The following HERC2 variants were observed in gnomAD, a reference collection of about 807,000 sequenced individuals.
The protein encoded by HERC2 is HECT and RLD domain containing E3 ubiquitin protein ligase 2, also known as E3 ubiquitin-protein ligase HERC2.
In HERC2, 102 loss-of-function variants were observed where a neutral mutation model predicts 537.7. The ratio of observed to expected loss-of-function variants is 0.19; its 90% CI spans 0.16 to 0.22. The LOEUF is 0.22. Ranked by LOEUF, HERC2 falls within the 10% of genes least tolerant of loss-of-function variation. The probability of loss-of-function intolerance (pLI) is 1.00; values close to 1 mark genes in which losing one functional copy is unlikely to be tolerated. For synonymous variants in HERC2, 2,224 were observed against 2,466.2 expected (o/e 0.90, Z 2.91); for missense variants, 4,236 against 6,198.2 (o/e 0.68, Z 10.63).
chr15:28,160,280 GTCTGCAGAGGTT>G (rs1893450129), intron 69 of HERC2, among the ~76,000 whole-genome samples: 2 of 152,208 alleles, frequency 1.3e-5, no homozygotes, highest in Non-Finnish European at 2.9e-5. Context: ...GGACATTTAA[GTCTGCAGAGGTT>G]TCTGCTGCCT....
rs1892647416 is a variant in HERC2 at position 28,153,318 on chromosome 15, A to G, written c.10747-488T>C. ...CGGTGAGCCGAGATCACACCGTTGC[A>G]CTCCAGCCTGGGTGACCCGAGCGAG... On this transcript the variant is annotated intron_variant, in intron 69 of 92. Coordinates refer to ENST00000261609, the MANE Select transcript of HERC2 (RefSeq NM_004667.6). Among the ~76,000 whole-genome samples, 6 of 152,096 alleles carry G rather than the reference A, an allele frequency of 3.9e-5. No individual in the cohort carries two copies. The South Asian group carries it at 1.2e-3, about 32-fold the overall frequency.
At chr15:28,182,345 AG>A (rs1013693477) in intron 57 of HERC2, 55 bp downstream of exon 57, 26 of 1,043,592 alleles carry the variant, frequency 2.5e-5, no homozygotes, top group Middle Eastern at 5.4e-4. Context: ...AAACTTCACG[AG>A]GTGTGGCTGC....
intron 68 of HERC2, among the ~76,000 whole-genome samples, chr15:28,165,498 A>G (rs543793175): frequency 6.6e-6 from 1 of 152,230 alleles, no homozygotes; most frequent in South Asian, 2.1e-4. Context: ...TAACAACACA[A>G]ATACTGATGT....
rs759243796 is a variant in HERC2, at chr15:28,113,627, G to A, written c.13965C>T (p.Arg4655=). ...QVAAVREGMA[R]VVPVPLLSLF... ...GAGAGAGGAGGGGAACAGGCACAAC[G>A]CGGGCCATTCCTTCCCGAACAGCAG... The change falls in exon 91 of 93, where the codon CGC becomes CGT. Residue 4655 remains arginine, a synonymous_variant. Coordinates refer to ENST00000261609, the MANE Select transcript of HERC2 (RefSeq NM_004667.6). The surrounding 1 kb of genome is among the most constrained non-coding windows in gnomAD (Gnocchi z 7.0). 2.2e-5 allele frequency: 36 copies of A among 1,614,082 alleles called. 1 individual carries two copies. The highest frequency in any genetic ancestry group is 8.9e-5 in the East Asian group (4 of 44,896).
At chr15:28,148,329 T>C (rs534236153) in intron 70 of HERC2, among the ~76,000 whole-genome samples, 33 of 148,618 alleles carry the variant, frequency 2.2e-4, no homozygotes, top group East Asian at 2.0e-3. Flanking sequence ...TTAAGACAAA[T>C]AGGAAAAAAG....
chr15:28,168,990 A>G (rs1390179746), intron 66 of HERC2, among the ~76,000 whole-genome samples: 1 of 152,246 alleles, frequency 6.6e-6, no homozygotes. Context: ...CCTCTACTGA[A>G]TGACTGTTTT....
chr15:28,182,316 G>C (rs1388962601), intron 57 of HERC2, 85 bp downstream of exon 57: 1 of 816,804 alleles, frequency 1.2e-6, no homozygotes, highest in Admixed American at 2.0e-5. Context: ...ACAACATATA[G>C]AGAGTAAAGT....
Position 28,215,636 on chromosome 15 carries a change from G to C in HERC2, c.6195C>G (p.Thr2065=). Residue 2065 remains threonine (T), a synonymous_variant, in exon 39 of 93, where the codon ACC becomes ACG. Transcript: ENST00000261609. ...AGCACATTACCTGCCTCTGCAGCGA[G>C]GTGGCAGTGAAGGGTGCGTGCCCTT... ...VVEGHAPFTA[T]SLQRQILAVH... is the part of the protein sequence containing the mutation. The C allele has an allele frequency of 1.2e-6, 2 of 1,608,832 alleles. No homozygotes were observed. Among genetic ancestry groups the C allele is most frequent in the Non-Finnish European group, 1.7e-6 (2 of 1,178,054 alleles).
rs1900728884 is a variant in HERC2, at chr15:28,223,325, T to C, written c.5465-1110A>G. ...AACTCCCTTGATTTTAGTTTTCTCC[T>C]CCAGGTGGGCGGGAAAAAGACCCAA... is the stretch of plus-strand genomic sequence containing the variant. On this transcript the variant is annotated intron_variant, in intron 35 of 92. Transcript: ENST00000261609. 2.0e-5 allele frequency among the ~76,000 whole-genome samples: 3 copies of C among 152,044 alleles called. No individual in the cohort carries two copies. In the South Asian group the frequency reaches 6.2e-4, roughly 32 times the overall value.
chr15:28,142,614 C>G (rs527584008), intron 75 of HERC2, among the ~76,000 whole-genome samples: 2 of 152,126 alleles, frequency 1.3e-5, no homozygotes, highest in Non-Finnish European at 2.9e-5. Context: ...GACAAGAACA[C>G]CTGTGCATCT....
At chr15:28,197,524 C>T (rs1408734576) in intron 50 of HERC2, among the ~76,000 whole-genome samples, 1 of 152,104 alleles carries the variant, frequency 6.6e-6, no homozygotes, top group African/African-American at 2.4e-5. Flanking sequence ...GAGGCTGAGG[C>T]AGGCGGATCA....
intron 79 of HERC2, 91 bp from the exon 80 acceptor site, chr15:28,132,921 A>G (rs1890253384): frequency 1.9e-6 from 2 of 1,029,886 alleles, no homozygotes; most frequent in Non-Finnish European, 1.4e-6. Context: ...ACACCTTCCT[A>G]ATCAGTTAAT....
chr15:28,230,530 A>G (rs377237258), intron 30 of HERC2, 30 bp from the exon 31 acceptor site: 123 of 1,085,968 alleles, frequency 1.1e-4, no homozygotes, highest in Middle Eastern at 9.1e-4. Flanking sequence ...TCACTATAAA[A>G]ATCATACACT....
intron 7 of HERC2, among the ~76,000 whole-genome samples, chr15:28,273,997 G>C (rs1273176552): frequency 6.6e-6 from 1 of 152,154 alleles, no homozygotes; most frequent in Non-Finnish European, 1.5e-5. Context: ...ATCACAGAGA[G>C]ACACACAGTG....
intron 44 of HERC2, among the ~76,000 whole-genome samples, chr15:28,207,964 A>C (rs2525920): frequency 4.4e-4 from 67 of 152,236 alleles, no homozygotes; most frequent in African/African-American, 6.0e-4. Flanking sequence ...TAGCTCTGTT[A>C]GGAGTCCCTG....
chr15:28,310,510 G>A (rs190440697), intron 2 of HERC2, among the ~76,000 whole-genome samples: 333 of 152,076 alleles, frequency 2.2e-3, no homozygotes, highest in African/African-American at 4.4e-3. Flanking sequence ...AAAGTGAGCC[G>A]AAAACATTCA....
intron 2 of HERC2, among the ~76,000 whole-genome samples, chr15:28,300,100 AAC>A (rs1328620411): frequency 1.3e-5 from 2 of 151,756 alleles, no homozygotes; most frequent in African/African-American, 4.8e-5. Flanking sequence ...CACACACACA[AAC>A]ACACACACGT....
chr15:28,167,943 TC>T, intron 67 of HERC2, 116 bp from the exon 68 acceptor site: 1 of 1,174,214 alleles, frequency 8.5e-7, no homozygotes, highest in Non-Finnish European at 1.2e-6. Context: ...TTTAGAATGT[TC>T]CAGATTTTAC....
At chr15:28,317,398 A>G (rs1321420260) in intron 2 of HERC2, among the ~76,000 whole-genome samples, 1 of 152,182 alleles carries the variant, frequency 6.6e-6, no homozygotes, top group Non-Finnish European at 1.5e-5. Flanking sequence ...CGAAGTGACA[A>G]TATTTATATA....
Sources: allele counts gnomAD v4.1 joint callset (sites outside exome capture counted in the v4.1 genomes callset), GRCh38; gene constraint gnomAD v4.1.1; non-coding constraint Gnocchi (gnomAD v3.1); transcripts MANE v1.5; gene names NCBI Gene and HGNC (gene_info 2026-07-23, HGNC 2026-07-21).